The following RBM33 variants were observed in gnomAD, a reference collection of about 807,000 sequenced individuals.
The protein encoded by RBM33 is RNA binding motif protein 33.
In RBM33, 28 loss-of-function variants were observed where a neutral mutation model predicts 132.6. The ratio of observed to expected loss-of-function variants is 0.21; its 90% confidence interval spans 0.16 to 0.29. The LOEUF is 0.29. Among genes scored for constraint, RBM33 ranks in the 10% least tolerant of loss-of-function variants. The pLI is 1.00. For missense variants in RBM33, 1,291 were observed against 1,518.5 expected, an observed-to-expected ratio of 0.85 and a Z score of 2.49; for synonymous variants, 634 against 593.0, an observed-to-expected ratio of 1.07 and a Z score of -1.01.
chr7:155,763,159 G>A (rs1802091866), intron 14 of RBM33, among the ~76,000 whole-genome samples: 1 of 152,218 alleles, frequency 6.6e-6, no homozygotes, highest in Non-Finnish European at 1.5e-5. Context: ...GCGCTTCTTG[G>A]AAATCCACGT....
chr7:155,673,969 T>TTTTTTTTTTTTTTTTTTTTTC (rs1799103315), intron 3 of RBM33, among the ~76,000 whole-genome samples: 1 of 135,236 alleles, frequency 7.4e-6, no homozygotes, highest in Non-Finnish European at 1.6e-5. Flanking sequence ...TTTTTTTTTT[T>TTTTTTTTTTTTTTTTTTTTTC]TTTGAGACAC....
rs191897268 is a variant in RBM33, at chr7:155,704,702, T to C, written c.740-2158T>C. Among the ~76,000 whole-genome samples, 45 of 152,394 alleles carry C rather than the reference T, an allele frequency of 3.0e-4. No individual in the cohort carries two copies. In the East Asian group the frequency reaches 6.9e-3, roughly 23 times the overall value. ...CATTATCTGTGAGTAGGCTTCCAGA[T>C]TATTTTATTCCGAGTTTCATTGGCA... is the stretch of plus-strand genomic sequence containing the variant. On this transcript the variant is annotated intron_variant, in intron 6 of 17. Transcript: ENST00000401878.
intron 8 of RBM33, among the ~76,000 whole-genome samples, chr7:155,716,711 T>C (rs1042211774): frequency 6.6e-6 from 1 of 152,200 alleles, no homozygotes; most frequent in African/African-American, 2.4e-5. Context: ...CTTTCTCCAG[T>C]CTAGTGTTTC....
Position 155,763,960 on chromosome 7 carries a change from C to T in RBM33, c.3128C>T (p.Ala1043Val). The T allele has an allele frequency of 6.3e-7, 1 of 1,597,360 alleles. No individual in the cohort carries two copies. Among genetic ancestry groups the T allele is most frequent in the Non-Finnish European group, 8.5e-7 (1 of 1,172,246 alleles). ...QPPHLPAGPHAHSPVPPGIKS... is the reference protein window; with the variant it reads ...QPPHLPAGPHVHSPVPPGIKS... ...CCACATCTGCCAGCGGGGCCCCACG[C>T]ACACTCGCCTGTCCCTCCAGGGATC... The change falls in exon 15 of 18, where the codon GCA becomes GTA. Residue 1043 changes from alanine to valine, a missense_variant. Coordinates refer to ENST00000401878, the MANE Select transcript of RBM33 (RefSeq NM_053043.3).
At chr7:155,695,740 C>T (rs1387931176) in intron 5 of RBM33, among the ~76,000 whole-genome samples, 7 of 152,216 alleles carry the variant, frequency 4.6e-5, no homozygotes, top group South Asian at 2.1e-4. Context: ...GGATTATAGG[C>T]GTGAGCTACC....
chr7:155,665,930 G>T (rs1308428723), intron 2 of RBM33, among the ~76,000 whole-genome samples: 1 of 152,188 alleles, frequency 6.6e-6, no homozygotes, highest in Non-Finnish European at 1.5e-5. Flanking sequence ...ACTGTGTTGA[G>T]AAAATGTAAC....
At chr7:155,669,286 T>G (rs1798880445) in intron 2 of RBM33, among the ~76,000 whole-genome samples, 1 of 152,140 alleles carries the variant, frequency 6.6e-6, no homozygotes, top group East Asian at 1.9e-4. Context: ...AAATTGTGTT[T>G]TATTTATTTT....
At chr7:155,707,486 A>AT (rs1464331696) in intron 7 of RBM33, 9 of 329,138 alleles carry the variant, frequency 2.7e-5, no homozygotes, top group African/African-American at 4.4e-5. Context: ...TTTACCATAG[A>AT]TTTTTTCCTT....
At chr7:155,710,805 T>C (rs1208085706) in intron 7 of RBM33, among the ~76,000 whole-genome samples, 1 of 152,080 alleles carries the variant, frequency 6.6e-6, no homozygotes, top group Non-Finnish European at 1.5e-5. Flanking sequence ...CCAGAGTTCC[T>C]GGAGGGGGAT....
Position 155,698,545 on chromosome 7 carries a change from C to T in RBM33, c.568-2228C>T, listed in dbSNP as rs78073473. 4.4e-3 allele frequency among the ~76,000 whole-genome samples: 668 copies of T among 152,208 alleles called. 9 individuals carry two copies. The highest frequency in any genetic ancestry group is 0.015 in the African/African-American group (627 of 41,526). ...CTGCAGTTAAGCAAGTGCTATCAGC[C>T]GTGTTTGGTGGTTTGTCAGGTTAGT... On this transcript the variant is annotated intron_variant, in intron 5 of 17. Transcript: ENST00000401878.
At chr7:155,660,967 T>C (rs75902518) in intron 1 of RBM33, among the ~76,000 whole-genome samples, 1,976 of 152,036 alleles carry the variant, frequency 0.013, 50 homozygotes, top group African/African-American at 0.045. Flanking sequence ...ATCTCTGTTA[T>C]CTGTTTTCAA....
intron 3 of RBM33, among the ~76,000 whole-genome samples, chr7:155,673,408 GTGTGTGTGTGTGTGTGTGTGT>G: frequency 6.9e-6 from 1 of 144,850 alleles, no homozygotes; most frequent in Admixed American, 6.9e-5. Context: ...TATATTGTGT[GTGTGTGTGTGTGTGTGTGTGT>G]GTGTGTGTGT....
chr7:155,674,860 T>C (rs1167760556), intron 3 of RBM33, among the ~76,000 whole-genome samples: 3 of 152,202 alleles, frequency 2.0e-5, no homozygotes, highest in Non-Finnish European at 4.4e-5. Context: ...TCCTCTTCTC[T>C]GTTCTTTCCT....
At chr7:155,684,421 C>G (rs546201062) in intron 5 of RBM33, among the ~76,000 whole-genome samples, 1 of 152,126 alleles carries the variant, frequency 6.6e-6, no homozygotes, top group Non-Finnish European at 1.5e-5. Context: ...GCTAATACGC[C>G]CCTTAAGTTT....
chr7:155,729,644 A>G (rs1800895277), intron 9 of RBM33, among the ~76,000 whole-genome samples: 1 of 151,742 alleles, frequency 6.6e-6, no homozygotes, highest in African/African-American at 2.4e-5. Flanking sequence ...GGCTGAGGCA[A>G]GAGGATCACT....
chr7:155,761,765 T>C (rs888688427), intron 14 of RBM33, among the ~76,000 whole-genome samples: 2 of 152,224 alleles, frequency 1.3e-5, no homozygotes, highest in African/African-American at 4.8e-5. Context: ...CTGTTTACCA[T>C]GCCGTTGCTT....
intron 14 of RBM33, among the ~76,000 whole-genome samples, chr7:155,759,412 G>GTTTTTT (rs1801955596): frequency 7.8e-6 from 1 of 128,650 alleles, no homozygotes; most frequent in Admixed American, 7.6e-5. Context: ...CAATGTTTAT[G>GTTTTTT]TTCTTTTTTT....
At chr7:155,683,057 G>T (rs1799379561) in intron 5 of RBM33, among the ~76,000 whole-genome samples, 5 of 151,822 alleles carry the variant, frequency 3.3e-5, no homozygotes. Context: ...TTTTCACAGA[G>T]AGTTGTAAAG....
At chr7:155,710,333 G>A (rs574615326) in intron 7 of RBM33, among the ~76,000 whole-genome samples, 1 of 152,258 alleles carries the variant, frequency 6.6e-6, no homozygotes, top group South Asian at 2.1e-4. Context: ...TGTAAAAGGA[G>A]GTCAGTAAAT....
Sources: gnomAD v4.1 joint callset for allele counts (sites outside exome capture counted in the v4.1 genomes callset) on GRCh38, gnomAD v4.1.1 for gene constraint, MANE v1.5 for transcripts, NCBI Gene and HGNC (gene_info 2026-07-23, HGNC 2026-07-21) for gene names.